The following SPAG17 variants were observed in gnomAD, a reference collection of about 807,000 sequenced individuals.
SPAG17 encodes the protein sperm-associated antigen 17.
SPAG17 carries 169 observed loss-of-function variants against 273.6 expected under a neutral mutation model. That is an observed-to-expected ratio of 0.62 (90% CI 0.55 to 0.70). The LOEUF is 0.70. SPAG17 is among the 30% of genes least tolerant of loss of function. The pLI, the probability that SPAG17 is intolerant of heterozygous loss-of-function variation, is 0.00. For synonymous variants in SPAG17, 825 were observed against 873.2 expected (o/e 0.94, Z 0.97); for missense variants, 2,557 against 2,627.8 (o/e 0.97, Z 0.59).
At chr1:118,055,591 T>C in intron 19 of SPAG17, 142 bp downstream of exon 19, 1 of 654,038 alleles carries the variant, frequency 1.5e-6, no homozygotes. Flanking sequence ...GCTACTCTAT[T>C]TACTAGAGAA....
intron 18 of SPAG17, among the ~76,000 whole-genome samples, chr1:118,065,223 C>T (rs555355051): frequency 6.6e-6 from 1 of 152,030 alleles, no homozygotes; most frequent in Non-Finnish European, 1.5e-5. Flanking sequence ...GTGTAATGGT[C>T]AAATATCTGG....
At chr1:118,097,620 C>T (rs778569657) in intron 7 of SPAG17, 50 bp downstream of exon 7, 13 of 1,406,818 alleles carry the variant, frequency 9.2e-6, no homozygotes, top group South Asian at 4.8e-5. Context: ...CAAATAGAAC[C>T]ACTGTGTCAC....
chr1:118,153,713 G>T (rs956251356), intron 1 of SPAG17, among the ~76,000 whole-genome samples: 1 of 152,094 alleles, frequency 6.6e-6, no homozygotes, highest in Non-Finnish European at 1.5e-5. Flanking sequence ...GCCGGGTGTG[G>T]TGGAGGGTGC....
chr1:118,081,710 G>T (rs1654588808), intron 13 of SPAG17, 68 bp from the exon 14 acceptor site: 1 of 1,270,142 alleles, frequency 7.9e-7, no homozygotes, highest in Non-Finnish European at 1.1e-6. Flanking sequence ...GTTGACAGAG[G>T]GATAACCAGG....
intron 24 of SPAG17, among the ~76,000 whole-genome samples, chr1:118,032,150 G>T (rs1557933234): frequency 6.6e-6 from 1 of 152,008 alleles, no homozygotes; most frequent in Non-Finnish European, 1.5e-5. Flanking sequence ...TAATGATAGG[G>T]CATTAACTAT....
chr1:118,023,513 T>G, intron 27 of SPAG17, 50 bp from the exon 28 acceptor site: 1 of 1,567,646 alleles, frequency 6.4e-7, no homozygotes, highest in Non-Finnish European at 8.7e-7. Flanking sequence ...AGAGAGAGGT[T>G]GTTTAACAAT....
intron 4 of SPAG17, among the ~76,000 whole-genome samples, chr1:118,113,027 G>A (rs1431072081): frequency 2.0e-5 from 3 of 151,832 alleles, no homozygotes; most frequent in Non-Finnish European, 2.9e-5. Flanking sequence ...ACTTATTTTT[G>A]CCCTCACTTT....
intron 3 of SPAG17, among the ~76,000 whole-genome samples, chr1:118,117,728 C>T (rs1427468035): frequency 6.6e-6 from 1 of 152,202 alleles, no homozygotes; most frequent in Non-Finnish European, 1.5e-5. Context: ...TGGAGGCAGA[C>T]TTGATGCGCC....
At chr1:117,959,260 A>C (rs766751752) in intron 48 of SPAG17, 7 of 1,593,940 alleles carry the variant, frequency 4.4e-6, no homozygotes, top group Admixed American at 1.8e-5. Context: ...AGTGGGAGAA[A>C]ATTTTTTAAT....
chr1:118,019,796 G>A (rs1052670143), intron 28 of SPAG17, among the ~76,000 whole-genome samples: 1 of 152,154 alleles, frequency 6.6e-6, no homozygotes, highest in Non-Finnish European at 1.5e-5. Flanking sequence ...AAGCAAGAGA[G>A]TATAAAGGAT....
In SPAG17 at chr1:118,031,048, A is replaced by G. The variant is rs145281341; in HGVS notation, c.3609+644T>C. Among the ~76,000 whole-genome samples the G allele has an allele frequency of 2.9e-3, 448 of 151,922 alleles. 5 individuals are homozygous for G. Among genetic ancestry groups the G allele is most frequent in the African/African-American group, 9.9e-3 (411 of 41,434 alleles). On this transcript the variant is annotated intron_variant, in intron 25 of 48. Transcript: ENST00000336338. ...TTCCACAATGGTTGAACTAATGTAC[A>G]CTCCCACCAACAGTGGAAAAGCAGA...
At chr1:118,084,621 T>G (rs1447550969) in intron 13 of SPAG17, among the ~76,000 whole-genome samples, 2 of 152,202 alleles carry the variant, frequency 1.3e-5, no homozygotes, top group African/African-American at 4.8e-5. Flanking sequence ...GCTGTTAGCT[T>G]GAGTCAACTC....
At chr1:117,959,050 G>T in intron 48 of SPAG17, 1 of 1,567,628 alleles carries the variant, frequency 6.4e-7, no homozygotes, top group Non-Finnish European at 8.8e-7. Flanking sequence ...AATTCCTAGT[G>T]TGATTTAGAA....
intron 1 of SPAG17, among the ~76,000 whole-genome samples, chr1:118,155,778 T>C (rs1290241367): frequency 6.6e-6 from 1 of 152,226 alleles, no homozygotes; most frequent in African/African-American, 2.4e-5. Context: ...GCTGAGACGA[T>C]AACCTTTTTG....
rs10802007 is a variant in SPAG17 at position 118,135,411 on chromosome 1, A to G, written c.315+15132T>C. ...TGTGTGTGTGTGTGTGTGTGTGTGT[A>G]TGTGTGTGTGTGTGTGTGTGGGGTA... is the stretch of plus-strand genomic sequence containing the variant. On this transcript the variant is annotated intron_variant, in intron 3 of 48. Coordinates refer to ENST00000336338, the MANE Select transcript of SPAG17 (RefSeq NM_206996.4). Among the ~76,000 whole-genome samples the G allele has an allele frequency of 8.4e-3, 694 of 82,566 alleles. 1 individual carries two copies. Among genetic ancestry groups the G allele is most frequent in the Middle Eastern group, 0.028 (5 of 176 alleles). 54.2% of individuals were successfully genotyped at this position (82,566 alleles called of 152,430 possible). A position where few individuals can be genotyped will look rare whatever the true frequency, so the allele number is the denominator to read the frequency against.
chr1:118,069,083 C>T (rs559123892), intron 17 of SPAG17, among the ~76,000 whole-genome samples: 56 of 152,036 alleles, frequency 3.7e-4, no homozygotes, highest in African/African-American at 1.3e-3. Flanking sequence ...TGGTGGCTCA[C>T]GCCTGTAATC....
intron 18 of SPAG17, among the ~76,000 whole-genome samples, chr1:118,064,880 A>G (rs1571388650): frequency 1.3e-5 from 2 of 152,176 alleles, no homozygotes; most frequent in Non-Finnish European, 2.9e-5. Flanking sequence ...AAGCCAACAA[A>G]AACTAACAAA....
intron 17 of SPAG17, among the ~76,000 whole-genome samples, chr1:118,067,428 A>G (rs1350985156): frequency 6.6e-6 from 1 of 152,126 alleles, no homozygotes; most frequent in Non-Finnish European, 1.5e-5. Flanking sequence ...CGTTATAAGA[A>G]GAGGCAGCAG....
At chr1:118,079,117 A>G (rs894680098) in intron 15 of SPAG17, among the ~76,000 whole-genome samples, 13 of 151,846 alleles carry the variant, frequency 8.6e-5, no homozygotes, top group Admixed American at 7.9e-4. Context: ...CTACTTTTCT[A>G]TTTTCTGGAA....
Sources: gnomAD v4.1 joint callset for allele counts (sites outside exome capture counted in the v4.1 genomes callset) on GRCh38, gnomAD v4.1.1 for gene constraint, MANE v1.5 for transcripts, NCBI Gene and HGNC (gene_info 2026-07-23, HGNC 2026-07-21) for gene names.